The following KMT2C variants were observed in gnomAD, a reference collection of about 807,000 sequenced individuals.
The protein encoded by KMT2C is histone-lysine N-methyltransferase 2C.
In KMT2C, 88 loss-of-function variants were observed where a neutral mutation model predicts 507.9. The ratio of observed to expected loss-of-function variants is 0.17; its 90% CI spans 0.15 to 0.21. KMT2C has a LOEUF of 0.21. KMT2C is among the 10% of genes least tolerant of loss of function. The probability of loss-of-function intolerance (pLI) is 1.00; values close to 1 mark genes in which losing one functional copy is unlikely to be tolerated. For missense variants in KMT2C, 4,954 were observed against 5,957.8 expected, an observed-to-expected ratio of 0.83 and a Z score of 5.55; for synonymous variants, 2,049 against 2,080.8, an observed-to-expected ratio of 0.98 and a Z score of 0.42.
At chr7:152,200,371 A>T (rs931519192) in intron 26 of KMT2C, among the ~76,000 whole-genome samples, 9 of 152,230 alleles carry the variant, frequency 5.9e-5, no homozygotes, top group Admixed American at 2.0e-4. Context: ...GTTCTATGTT[A>T]TCAAAGAAAA....
intron 41 of KMT2C, among the ~76,000 whole-genome samples, chr7:152,167,791 A>G (rs1254167757): frequency 1.3e-5 from 2 of 152,202 alleles, no homozygotes; most frequent in Non-Finnish European, 2.9e-5. Context: ...GGTCTAGCGC[A>G]TAGACTAGGA....
At chr7:152,174,274 T>C (rs775859103) in intron 38 of KMT2C, 32 bp from the exon 39 acceptor site, 17 of 1,118,684 alleles carry the variant, frequency 1.5e-5, no homozygotes, top group African/African-American at 1.2e-4. Flanking sequence ...ACTTATTTCA[T>C]AGTAATTAGT....
At chr7:152,398,048 T>C (rs2097547571) in intron 1 of KMT2C, among the ~76,000 whole-genome samples, 1 of 152,340 alleles carries the variant, frequency 6.6e-6, no homozygotes, top group Admixed American at 6.5e-5. Flanking sequence ...CATCACTTCA[T>C]ACAGACCTTC....
intron 55 of KMT2C, among the ~76,000 whole-genome samples, chr7:152,141,201 C>T (rs1454965941): frequency 6.6e-6 from 1 of 152,110 alleles, no homozygotes; most frequent in African/African-American, 2.4e-5. Flanking sequence ...GATCATGCCA[C>T]TGCACTCCAG....
At chr7:152,170,052 T>C (rs2129107589) in intron 40 of KMT2C, among the ~76,000 whole-genome samples, 1 of 152,308 alleles carries the variant, frequency 6.6e-6, no homozygotes, top group African/African-American at 2.4e-5. Flanking sequence ...TATAAACTTA[T>C]ACTAGCAGCC....
In KMT2C at chr7:152,431,192, C is replaced by A. The variant is rs560517154; in HGVS notation, c.161+4434G>T. 8.5e-5 allele frequency among the ~76,000 whole-genome samples: 13 copies of A among 152,052 alleles called. No individual in the cohort carries two copies. In the South Asian group the frequency reaches 2.7e-3, roughly 32 times the overall value. On this transcript the variant is annotated intron_variant, in intron 1 of 58. Coordinates refer to ENST00000262189, the MANE Select transcript of KMT2C (RefSeq NM_170606.3). ...GTTTATCAAGTTTACATATTAGTAA[C>A]CAATATGTAAATTGGTAAGTTTACA...
intron 31 of KMT2C, among the ~76,000 whole-genome samples, chr7:152,192,757 A>G (rs1272651172): frequency 1.3e-5 from 2 of 152,246 alleles, no homozygotes; most frequent in Non-Finnish European, 2.9e-5. Flanking sequence ...GTTACAAATT[A>G]TTCACACACT....
At chr7:152,277,261 C>T (rs542460085) in intron 6 of KMT2C, among the ~76,000 whole-genome samples, 3 of 152,146 alleles carry the variant, frequency 2.0e-5, no homozygotes, top group African/African-American at 7.2e-5. Context: ...CTTCACCAGT[C>T]TTTTTTTAGT....
intron 7 of KMT2C, among the ~76,000 whole-genome samples, chr7:152,271,589 G>A (rs923684745): frequency 4.7e-5 from 7 of 147,870 alleles, no homozygotes; most frequent in South Asian, 2.1e-4. Flanking sequence ...AGGAGAAATC[G>A]CATGAACCTG....
intron 1 of KMT2C, among the ~76,000 whole-genome samples, chr7:152,418,832 A>C (rs1034762444): frequency 1.3e-5 from 2 of 152,014 alleles, no homozygotes; most frequent in African/African-American, 4.8e-5. Flanking sequence ...AGTAGGTTAC[A>C]AAACTCTAAA....
At chr7:152,227,262 T>C (rs2129149353) in intron 18 of KMT2C, among the ~76,000 whole-genome samples, 1 of 152,378 alleles carries the variant, frequency 6.6e-6, no homozygotes, top group Admixed American at 6.5e-5. Context: ...GGGGTTGTAC[T>C]ATCATTTTTT....
At chr7:152,395,593 C>T (rs1216190437) in intron 1 of KMT2C, among the ~76,000 whole-genome samples, 6 of 152,102 alleles carry the variant, frequency 3.9e-5, no homozygotes, top group African/African-American at 1.4e-4. Flanking sequence ...CTGCAACCTC[C>T]GCCTCCTGGG....
intron 2 of KMT2C, among the ~76,000 whole-genome samples, chr7:152,336,108 G>T (rs13242929): frequency 0.04 from 6,078 of 151,914 alleles, 187 homozygotes; most frequent in South Asian, 0.088. Context: ...TTTTACTTTT[G>T]GTTTAGATTT....
At chr7:152,214,905 C>T (rs1016308128) in intron 23 of KMT2C, among the ~76,000 whole-genome samples, 3 of 151,872 alleles carry the variant, frequency 2.0e-5, no homozygotes, top group Non-Finnish European at 4.4e-5. Flanking sequence ...AGCATGAGAA[C>T]CACAGTTAAT....
intron 1 of KMT2C, among the ~76,000 whole-genome samples, chr7:152,360,299 G>A (rs1039858439): frequency 6.6e-6 from 1 of 151,864 alleles, no homozygotes; most frequent in Admixed American, 6.6e-5. Context: ...CCTACGTGGC[G>A]AAACCTCGTC....
Position 152,150,931 on chromosome 7 carries a change from G to A in KMT2C, c.12743C>T (p.Ser4248Leu). The A allele has an allele frequency of 6.2e-7, 1 of 1,612,814 alleles. No homozygotes were observed. Residue 4248 changes from serine to leucine, a missense_variant, in exon 51 of 59, where the codon TCA becomes TTA. Coordinates refer to ENST00000262189, the MANE Select transcript of KMT2C (RefSeq NM_170606.3). The part of the protein sequence containing the change: ...CSNNCFILYS[S>L]TAQAKNSENK... Reference sequence around the variant, plus strand: ...TTCTGAGTTTTTCGCTTGTGCAGTTGATGAATAAAGAATAAAGCAGTTATT... The same window carrying A: ...TTCTGAGTTTTTCGCTTGTGCAGTTAATGAATAAAGAATAAAGCAGTTATT...
intron 2 of KMT2C, among the ~76,000 whole-genome samples, chr7:152,350,622 C>T (rs145293784): frequency 1.7e-4 from 26 of 152,314 alleles, no homozygotes; most frequent in Non-Finnish European, 2.8e-4. Flanking sequence ...GGTACACCTA[C>T]ATAGAGCACT....
chr7:152,275,195 A>G (rs999917514), intron 6 of KMT2C, among the ~76,000 whole-genome samples: 4 of 152,232 alleles, frequency 2.6e-5, no homozygotes, highest in Non-Finnish European at 5.9e-5. Flanking sequence ...CACTGAATCA[A>G]CATAACAAAG....
intron 1 of KMT2C, among the ~76,000 whole-genome samples, chr7:152,373,906 A>C (rs2097309375): frequency 6.6e-6 from 1 of 152,212 alleles, no homozygotes. Context: ...AAGGATATGA[A>C]CAACAAATTC....
Sources: gnomAD v4.1 joint callset for allele counts (sites outside exome capture counted in the v4.1 genomes callset) on GRCh38, gnomAD v4.1.1 for gene constraint, MANE v1.5 for transcripts, NCBI Gene and HGNC (gene_info 2026-07-23, HGNC 2026-07-21) for gene names.